CLIP3: variants seen among roughly 807,000 people sequenced by gnomAD.
The protein encoded by CLIP3 is CAP-Gly domain containing linker protein 3.
In CLIP3, 15 loss-of-function variants were observed where a neutral mutation model predicts 59.4. The observed-to-expected ratio is 0.25, with a 90% confidence interval of 0.17 to 0.39. The LOEUF (loss-of-function observed/expected upper bound fraction) is 0.39. Among genes scored for constraint, CLIP3 ranks in the 10% least tolerant of loss-of-function variants. The probability of loss-of-function intolerance (pLI) is 1.00; values close to 1 mark genes in which losing one functional copy is unlikely to be tolerated. For missense variants in CLIP3, 495 were observed against 765.7 expected, an observed-to-expected ratio of 0.65 and a Z score of 4.17; for synonymous variants, 300 against 321.6, an observed-to-expected ratio of 0.93 and a Z score of 0.72.
intron 2 of CLIP3, 25 bp from the exon 3 acceptor site, chr19:36,027,296 C>T: frequency 2.5e-6 from 4 of 1,573,970 alleles, no homozygotes; most frequent in Non-Finnish European, 3.4e-6. Flanking sequence ...GGTCCAAGGT[C>T]ACCCCACGCA....
chr19:36,021,986 C>T (rs1968963289), intron 7 of CLIP3, among the ~76,000 whole-genome samples: 1 of 152,092 alleles, frequency 6.6e-6, no homozygotes, highest in Admixed American at 6.6e-5. Flanking sequence ...TCATGCCATT[C>T]TCCTGCCTCA....
At chr19:36,017,082 C>T (rs2145386811) in intron 12 of CLIP3, 103 bp from the exon 13 acceptor site, 1 of 1,206,942 alleles carries the variant, frequency 8.3e-7, no homozygotes, top group South Asian at 1.3e-5. Context: ...TGTCTCCAGT[C>T]CCCACCTGGA....
Position 36,026,392 on chromosome 19 carries a change from C to A in CLIP3, c.563-127G>T. 5 of 1,082,774 alleles carry A rather than the reference C, an allele frequency of 4.6e-6. No homozygotes were observed. In the East Asian group the frequency reaches 1.3e-4, roughly 28 times the overall value. 67.1% of individuals were successfully genotyped at this position (1,082,774 alleles called of 1,614,324 possible). A position where few individuals can be genotyped will look rare whatever the true frequency, so the allele number is the denominator to read the frequency against. On this transcript the variant is annotated intron_variant, in intron 5 of 13. Coordinates refer to ENST00000360535, the MANE Select transcript of CLIP3 (RefSeq NM_015526.3). This position sits in a 1 kb window ranked among gnomAD's most constrained non-coding sequence, Gnocchi z 6.3. ...CCGACGCAGAGCCCCGCCCCCACCTCGGAGCCCCCCTCTCCCTTGGCAGCC... is the reference window on the plus strand; with the variant it reads ...CCGACGCAGAGCCCCGCCCCCACCTAGGAGCCCCCCTCTCCCTTGGCAGCC...
chr19:36,029,524 A>G (rs1969204394), intron 2 of CLIP3, among the ~76,000 whole-genome samples: 2 of 150,266 alleles, frequency 1.3e-5, no homozygotes, highest in Non-Finnish European at 3.0e-5. Flanking sequence ...GGCTCAAGTG[A>G]TCCTCCCACT....
chr19:36,030,275 A>G (rs1056289006), intron 2 of CLIP3, among the ~76,000 whole-genome samples: 1 of 151,820 alleles, frequency 6.6e-6, no homozygotes, highest in Admixed American at 6.6e-5. Flanking sequence ...CTGATCTCGA[A>G]CTCCTGGCCT....
chr19:36,026,397 C>A lies in CLIP3; in HGVS notation c.563-132G>T. 1.0e-6 allele frequency: 1 copy of A among 992,894 alleles called. No homozygotes were observed. Among genetic ancestry groups the A allele is most frequent in the Non-Finnish European group, 1.5e-6 (1 of 670,030 alleles). 61.5% of individuals were successfully genotyped at this position (992,894 alleles called of 1,614,324 possible). On this transcript the variant is annotated intron_variant, in intron 5 of 13. Transcript: ENST00000360535. The surrounding 1 kb of genome is among the most constrained non-coding windows in gnomAD (Gnocchi z 6.3). ...GCAGAGCCCCGCCCCCACCTCGGAG[C>A]CCCCCTCTCCCTTGGCAGCCCCGAC...
In CLIP3 at chr19:36,021,264, T is replaced by G. The variant is rs749384527; in HGVS notation, c.919-1958A>C. ...TGTAAAATAGAGATAGTAAGCCACC[T>G]CATGGAGTGATCATCTGGCGGAAAC... On this transcript the variant is annotated intron_variant, in intron 7 of 13. Transcript: ENST00000360535. Among the ~76,000 whole-genome samples, 116 of 151,852 alleles carry G rather than the reference T, an allele frequency of 7.6e-4. 1 individual carries two copies. The highest frequency in any genetic ancestry group is 2.6e-4 in the Non-Finnish European group (18 of 67,934).
rs547024543 is a variant in CLIP3 at position 36,026,080 on chromosome 19, C to G, written c.681+67G>C. The G allele has an allele frequency of 2.7e-4, 335 of 1,245,638 alleles. No homozygotes were observed. The African/African-American group carries it at 4.3e-3, about 16-fold the overall frequency. 77.2% of individuals were successfully genotyped at this position (1,245,638 alleles called of 1,614,324 possible). On this transcript the variant is annotated intron_variant, in intron 6 of 13. Transcript: ENST00000360535. The surrounding 1 kb of genome is among the most constrained non-coding windows in gnomAD (Gnocchi z 6.3). ...GGGGAGTCACGGGAAACGCAGAGAC[C>G]TGCTGGAGGGAAGTGGGGGAGGAAG...
Position 36,016,931 on chromosome 19 carries a change from A to G in CLIP3, c.1565T>C (p.Ile522Thr). Residue 522 changes from isoleucine to threonine, a missense_variant, in exon 13 of 14, where the codon ATT becomes ACT. Around this residue, in one of 5 missense-constraint regions of CLIP3, gnomAD observed 179 missense variants for 226.2 expected, o/e 0.79. Coordinates refer to ENST00000360535, the MANE Select transcript of CLIP3 (RefSeq NM_015526.3). The surrounding 1 kb of genome is among the most constrained non-coding windows in gnomAD (Gnocchi z 4.1). The stretch of plus-strand genomic sequence containing the variant: ...CCTGGAAATGGAGTTCTCTGATGCA[A>G]TGTCCTTTGGGGTCCGGACTGTGGT... ...TFTTVRTPKDIASENSISRLL... is the reference protein window; with the variant it reads ...TFTTVRTPKDTASENSISRLL... 1 of 1,613,940 alleles carries G rather than the reference A, an allele frequency of 6.2e-7. No homozygotes were observed. Among genetic ancestry groups the G allele is most frequent in the Non-Finnish European group, 8.5e-7 (1 of 1,179,952 alleles).
At chr19:36,017,038 C>G in intron 12 of CLIP3, 59 bp from the exon 13 acceptor site, 1 of 1,536,758 alleles carries the variant, frequency 6.5e-7, no homozygotes, top group Non-Finnish European at 8.9e-7. Flanking sequence ...GTCCTCAATA[C>G]CCATCCAGAC....
At chr19:36,020,432 C>T (rs1408955898) in intron 7 of CLIP3, among the ~76,000 whole-genome samples, 1 of 151,766 alleles carries the variant, frequency 6.6e-6, no homozygotes, top group Non-Finnish European at 1.5e-5. Context: ...GTGAAACCCC[C>T]ATCTCTACTA....
In CLIP3 at chr19:36,016,672, A is replaced by G; in HGVS notation, c.1589+235T>C. On this transcript the variant is annotated intron_variant, in intron 13 of 13. Coordinates refer to ENST00000360535, the MANE Select transcript of CLIP3 (RefSeq NM_015526.3). The surrounding 1 kb of genome is among the most constrained non-coding windows in gnomAD (Gnocchi z 4.1). ...CTCTAGCTGTTGTTCTGAGGCTCGT[A>G]TGGAGTGAAGGGTGTTCTGCTTCCT... 1.8e-6 allele frequency: 1 copy of G among 558,442 alleles called. No homozygotes were observed. Among genetic ancestry groups the G allele is most frequent in the South Asian group, 2.0e-5 (1 of 48,998 alleles). 34.6% of individuals were successfully genotyped at this position (558,442 alleles called of 1,614,324 possible). A position where few individuals can be genotyped will look rare whatever the true frequency, so the allele number is the denominator to read the frequency against.
intron 7 of CLIP3, among the ~76,000 whole-genome samples, chr19:36,021,200 T>G (rs1968943339): frequency 6.6e-6 from 1 of 151,990 alleles, no homozygotes; most frequent in Admixed American, 6.6e-5. Flanking sequence ...TATCATGCTG[T>G]AACTTTGGTC....
At chr19:36,023,102 G>T in intron 7 of CLIP3, among the ~76,000 whole-genome samples, 1 of 152,088 alleles carries the variant, frequency 6.6e-6, no homozygotes, top group Non-Finnish European at 1.5e-5. Context: ...ACCCAGGCTT[G>T]TTGGCACACA....
chr19:36,032,564 C>A lies in CLIP3; in HGVS notation c.-58-149G>T, dbSNP rs1969294718. On this transcript the variant is annotated intron_variant, in intron 1 of 13. Transcript: ENST00000360535. This position sits in a 1 kb window ranked among gnomAD's most constrained non-coding sequence, Gnocchi z 4.3. ...TACCCATAGAGGGCCCCGGTGTGTG[C>A]GCCCAGCGCCTGCCACCTCCCCCAG... 2.6e-6 allele frequency: 1 copy of A among 383,420 alleles called. No homozygotes were observed. The highest frequency in any genetic ancestry group is 4.6e-6 in the Non-Finnish European group (1 of 216,780). The allele number at this position is 383,420 out of a possible 1,614,324, so 23.8% of individuals were successfully genotyped here. A position where few individuals can be genotyped will look rare whatever the true frequency, so the allele number is the denominator to read the frequency against.
chr19:36,032,644 C>A lies in CLIP3; in HGVS notation c.-59+80G>T. 3.4e-6 allele frequency: 1 copy of A among 297,932 alleles called. No individual in the cohort carries two copies. The highest frequency in any genetic ancestry group is 5.6e-5 in the East Asian group (1 of 17,900). The allele number at this position is 297,932 out of a possible 1,614,324, so 18.5% of individuals were successfully genotyped here. A position where few individuals can be genotyped will look rare whatever the true frequency, so the allele number is the denominator to read the frequency against. ...TCAGGCCCCTCAGTCGCGGCTGCCC[C>A]CTCCCCGGGTTTGTTTATCTCGGGA... On this transcript the variant is annotated intron_variant, in intron 1 of 13. Transcript: ENST00000360535. This position sits in a 1 kb window ranked among gnomAD's most constrained non-coding sequence, Gnocchi z 4.3.
chr19:36,017,370 T>C lies in CLIP3; in HGVS notation c.1516+16A>G. On this transcript the variant is annotated intron_variant, in intron 12 of 13. Transcript: ENST00000360535. ...CCAAACGTACACTCCTCCCAACATA[T>C]CATCCCCTAACTCACTTGTCACTTG... 1 of 1,613,330 alleles carries C rather than the reference T, an allele frequency of 6.2e-7. No individual in the cohort carries two copies. The highest frequency in any genetic ancestry group is 1.1e-5 in the South Asian group (1 of 91,060).
At chr19:36,024,759 C>T in intron 6 of CLIP3, 127 bp from the exon 7 acceptor site, 1 of 863,054 alleles carries the variant, frequency 1.2e-6, no homozygotes, top group South Asian at 1.7e-5. Context: ...CCTGGGCCAA[C>T]CTGGGAATAA....
chr19:36,024,403 C>A lies in CLIP3; in HGVS notation c.911G>T (p.Gly304Val). The part of the protein sequence containing the change: ...LRLGDRVLLD[G>V]QKTGTLRFCG... The stretch of plus-strand genomic sequence containing the variant: ...CACATCCCAGCCCCTGACCTTCTGG[C>A]CATCCAGCAGCACGCGGTCTCCCAG... The change falls in exon 7 of 14, where the codon GGC (glycine) becomes GTC (valine). Residue 304 changes from glycine to valine, a missense_variant. Transcript: ENST00000360535. 1 of 1,613,220 alleles carries A rather than the reference C, an allele frequency of 6.2e-7. No individual in the cohort carries two copies. The highest frequency in any genetic ancestry group is 1.8e-4 in the Middle Eastern group (1 of 5,648).
Sources: gnomAD v4.1 joint callset for allele counts (sites outside exome capture counted in the v4.1 genomes callset) on GRCh38, gnomAD v4.1.1 for gene constraint, gnomAD v4.1.1 regional missense constraint, Gnocchi (gnomAD v3.1) non-coding constraint, MANE v1.5 for transcripts, NCBI Gene and HGNC (gene_info 2026-07-23, HGNC 2026-07-21) for gene names.